The following CPNE5 variants were observed in gnomAD, a reference collection of about 807,000 sequenced individuals.
CPNE5 encodes copine-5.
Under a neutral mutation model 81.1 loss-of-function variants are expected in CPNE5, and 42 were observed. That is an observed-to-expected ratio of 0.52 (90% CI 0.40 to 0.67). The LOEUF is 0.67. Ranked by LOEUF, CPNE5 falls within the 30% of genes least tolerant of loss-of-function variation. The pLI is 0.00. For missense variants in CPNE5, 612 were observed against 815.5 expected, an observed-to-expected ratio of 0.75 and a Z score of 3.04; for synonymous variants, 313 against 321.5, an observed-to-expected ratio of 0.97 and a Z score of 0.28.
intron 10 of CPNE5, among the ~76,000 whole-genome samples, chr6:36,773,214 A>T (rs1040107238): frequency 6.6e-6 from 1 of 152,062 alleles, no homozygotes; most frequent in African/African-American, 2.4e-5. Flanking sequence ...CTCCTGTCGG[A>T]GTGGCCCAGA....
intron 13 of CPNE5, among the ~76,000 whole-genome samples, chr6:36,753,320 G>A (rs1354358883): frequency 6.6e-6 from 1 of 152,244 alleles, no homozygotes; most frequent in African/African-American, 2.4e-5. Context: ...GACACTGCCA[G>A]GGCAGAGAAG....
At position 36,744,341 on chromosome 6, in the gene CPNE5, G is replaced by A. The variant is rs1346957847; in HGVS notation, c.1432-16C>T. 1.9e-6 allele frequency: 3 copies of A among 1,575,290 alleles called. No individual in the cohort carries two copies. Among genetic ancestry groups the A allele is most frequent in the Non-Finnish European group, 2.6e-6 (3 of 1,160,026 alleles). ...GCTTGGCAGCCTGGGAGACAGCATG[G>A]GGGGCAGGGAAAGGTTGGACCCAAT... is the stretch of plus-strand genomic sequence containing the variant. On this transcript the variant is annotated splice_polypyrimidine_tract_variant and intron_variant, in intron 18 of 20. Transcript: ENST00000244751.
chr6:36,822,170 G>GT lies in CPNE5; in HGVS notation c.137-11_137-10insA, dbSNP rs1252287543. The GT allele has an allele frequency of 6.6e-7, 1 of 1,505,150 alleles. No homozygotes were observed. The highest frequency in any genetic ancestry group is 2.1e-5 in the Admixed American group (1 of 47,650). The allele number at this position is 1,505,150 out of a possible 1,614,324, so 93.2% of individuals were successfully genotyped here. On this transcript the variant is annotated splice_polypyrimidine_tract_variant and intron_variant, in intron 2 of 20. Transcript: ENST00000244751. ...GTATACATGACGCACACTGCGGGGGGAGGAGAAACAGTGGATTAATACCTC... is the reference window on the plus strand; with the variant it reads ...GTATACATGACGCACACTGCGGGGGGTAGGAGAAACAGTGGATTAATACCTC...
chr6:36,773,162 C>A (rs1400677844), intron 10 of CPNE5, among the ~76,000 whole-genome samples: 1 of 152,144 alleles, frequency 6.6e-6, no homozygotes, highest in African/African-American at 2.4e-5. Context: ...CAGGCGTGAG[C>A]CACCACGCCT....
chr6:36,772,002 G>T (rs566202117), intron 10 of CPNE5, among the ~76,000 whole-genome samples: 3 of 152,174 alleles, frequency 2.0e-5, no homozygotes, highest in South Asian at 4.1e-4. Flanking sequence ...GTGGGAGCCT[G>T]CCCCTCCCAC....
intron 8 of CPNE5, among the ~76,000 whole-genome samples, chr6:36,787,544 G>A (rs1000797346): frequency 3.3e-5 from 5 of 152,266 alleles, no homozygotes; most frequent in Admixed American, 6.5e-5. Flanking sequence ...TAAAATAGTT[G>A]TTGTAAGAAG....
intron 6 of CPNE5, among the ~76,000 whole-genome samples, chr6:36,796,395 C>T (rs1195266730): frequency 6.6e-6 from 1 of 152,208 alleles, no homozygotes; most frequent in Non-Finnish European, 1.5e-5. Flanking sequence ...AGGAAACAGA[C>T]CCAAATGACT....
intron 10 of CPNE5, among the ~76,000 whole-genome samples, chr6:36,772,154 G>A (rs964514683): frequency 6.6e-6 from 1 of 152,166 alleles, no homozygotes; most frequent in Admixed American, 6.5e-5. Context: ...TGAGGGGTCA[G>A]TTGGGCCAGG....
rs532784832 is a variant in CPNE5, at chr6:36,799,059, C to T, written c.288-565G>A. Among the ~76,000 whole-genome samples the T allele has an allele frequency of 2.0e-5, 3 of 152,274 alleles. No individual in the cohort carries two copies. In the East Asian group the frequency reaches 5.8e-4, roughly 29 times the overall value. ...GCGTGATGCTACAGCTGGCCTCCTCCCCTCACCTGGGGCCTGCTCACCGGG... is the reference window on the plus strand; with the variant it reads ...GCGTGATGCTACAGCTGGCCTCCTCTCCTCACCTGGGGCCTGCTCACCGGG... On this transcript the variant is annotated intron_variant, in intron 4 of 20. Transcript: ENST00000244751.
At chr6:36,803,305 C>T (rs1443257786) in intron 3 of CPNE5, among the ~76,000 whole-genome samples, 1 of 152,176 alleles carries the variant, frequency 6.6e-6, no homozygotes, top group East Asian at 1.9e-4. Context: ...GCCTCCGCTC[C>T]CTGGCCATCC....
intron 9 of CPNE5, among the ~76,000 whole-genome samples, chr6:36,775,659 C>T (rs374728982): frequency 6.6e-6 from 1 of 152,198 alleles, no homozygotes; most frequent in Admixed American, 6.5e-5. Context: ...AAATTGACAA[C>T]TGCCTGGTCT....
intron 3 of CPNE5, among the ~76,000 whole-genome samples, chr6:36,820,439 T>G (rs1388939843): frequency 2.0e-5 from 3 of 149,818 alleles, no homozygotes; most frequent in African/African-American, 7.3e-5. Flanking sequence ...CCTCCTGGAT[T>G]CAAGCAATTC....
At chr6:36,822,341 G>C (rs114041173) in intron 2 of CPNE5, among the ~76,000 whole-genome samples, 181 bp from the exon 3 acceptor site, 5 of 151,726 alleles carry the variant, frequency 3.3e-5, no homozygotes, top group Admixed American at 2.6e-4. Flanking sequence ...AGTGAGTCTG[G>C]CCCCCCAAGC....
intron 12 of CPNE5, among the ~76,000 whole-genome samples, 178 bp downstream of exon 12, chr6:36,762,739 C>A (rs1344893617): frequency 6.6e-6 from 1 of 152,188 alleles, no homozygotes; most frequent in Non-Finnish European, 1.5e-5. Flanking sequence ...AATGGTGGAA[C>A]TTTGGGCAAG....
At chr6:36,783,951 T>A (rs760977537) in intron 8 of CPNE5, among the ~76,000 whole-genome samples, 3 of 152,244 alleles carry the variant, frequency 2.0e-5, no homozygotes, top group Non-Finnish European at 4.4e-5. Context: ...AGATTCCAAA[T>A]GATGACCTCA....
intron 12 of CPNE5, chr6:36,757,447 A>G: frequency 2.3e-6 from 2 of 879,810 alleles, no homozygotes; most frequent in Non-Finnish European, 2.7e-6. Context: ...ACACCAGGTG[A>G]TTTGCCTAAA....
At chr6:36,823,781 C>T (rs964654020) in intron 1 of CPNE5, among the ~76,000 whole-genome samples, 2 of 152,336 alleles carry the variant, frequency 1.3e-5, no homozygotes, top group Admixed American at 6.5e-5. Context: ...ATTTACTGAG[C>T]CCCGGCGATG....
chr6:36,760,157 T>C (rs1765881728), intron 12 of CPNE5, among the ~76,000 whole-genome samples: 1 of 147,816 alleles, frequency 6.8e-6, no homozygotes, highest in Non-Finnish European at 1.5e-5. Flanking sequence ...GAGGTGGAGG[T>C]TGCAGTAAGC....
intron 7 of CPNE5, chr6:36,792,593 G>C (rs1769200480): frequency 4.7e-6 from 2 of 429,684 alleles, no homozygotes; most frequent in Non-Finnish European, 4.7e-6. Context: ...CTGGCAGCTT[G>C]CCCAGGCTCC....
Sources: allele counts gnomAD v4.1 joint callset (sites outside exome capture counted in the v4.1 genomes callset), GRCh38; gene constraint gnomAD v4.1.1; transcripts MANE v1.5; gene names NCBI Gene and HGNC (gene_info 2026-07-23, HGNC 2026-07-21).